Variants in ZFHX3 observed in about 807,000 individuals in gnomAD.
The protein encoded by ZFHX3 is zinc finger homeobox 3.
A neutral mutation model predicts 279.1 loss-of-function variants in ZFHX3; 42 were observed. The observed-to-expected ratio is 0.15, with a 90% CI of 0.12 to 0.19. The LOEUF is 0.19. Ranked by LOEUF, ZFHX3 falls within the 10% of genes least tolerant of loss-of-function variation. ZFHX3 has a pLI of 1.00. For missense variants in ZFHX3, 4,981 were observed against 4,754.0 expected, an observed-to-expected ratio of 1.05 and a Z score of -1.40; for synonymous variants, 2,293 against 1,957.8, an observed-to-expected ratio of 1.17 and a Z score of -4.52.
At chr16:73,001,259 TC>T (rs1392441598) in intron 1 of ZFHX3, among the ~76,000 whole-genome samples, 3 of 152,124 alleles carry the variant, frequency 2.0e-5, no homozygotes, top group African/African-American at 4.8e-5. Flanking sequence ...AGCCAGCAGC[TC>T]TTGGGGAAAT....
chr16:73,751,960 C>T (rs542811172), intron 1 of ZFHX3, among the ~76,000 whole-genome samples: 1 of 152,240 alleles, frequency 6.6e-6, no homozygotes, highest in South Asian at 2.1e-4. Context: ...GGGTTATTCT[C>T]TCGGGGATTT....
chr16:73,069,455 T>G (rs563018727), intron 8 of ZFHX3, among the ~76,000 whole-genome samples: 1 of 152,320 alleles, frequency 6.6e-6, no homozygotes, highest in East Asian at 1.9e-4. Context: ...CCAGCTCACG[T>G]GTCCGTCTAC....
chr16:72,966,075 A>T (rs1961821958), intron 1 of ZFHX3, among the ~76,000 whole-genome samples: 1 of 152,206 alleles, frequency 6.6e-6, no homozygotes, highest in Non-Finnish European at 1.5e-5. Flanking sequence ...TAATGATGCC[A>T]TTATTTTAAG....
intron 1 of ZFHX3, among the ~76,000 whole-genome samples, chr16:73,785,560 C>A (rs760923829): frequency 6.6e-6 from 1 of 152,190 alleles, no homozygotes; most frequent in Non-Finnish European, 1.5e-5. Flanking sequence ...GGTGTTCAAT[C>A]ACCTATTCCC....
At chr16:73,256,438 C>G (rs34934522) in intron 5 of ZFHX3, among the ~76,000 whole-genome samples, 89,858 of 152,038 alleles carry the variant, frequency 0.59, 26,930 homozygotes, top group East Asian at 0.72. Flanking sequence ...TCAATGTTTA[C>G]GATGGCGGTT....
chr16:73,232,672 C>G (rs2012813894), intron 5 of ZFHX3: 1 of 152,130 alleles, frequency 6.6e-6, no homozygotes, highest in Non-Finnish European at 1.5e-5. Context: ...GTTTTGGTAT[C>G]TCCTACGTAA....
At chr16:73,881,686 G>C (rs937116740) in intron 1 of ZFHX3, among the ~76,000 whole-genome samples, 15 of 151,960 alleles carry the variant, frequency 9.9e-5, no homozygotes, top group African/African-American at 3.6e-4. Flanking sequence ...ATATGTGTGT[G>C]TGTGTGTATA....
intron 5 of ZFHX3, among the ~76,000 whole-genome samples, chr16:73,155,678 C>G (rs1054821086): frequency 1.3e-5 from 2 of 152,016 alleles, no homozygotes; most frequent in Non-Finnish European, 2.9e-5. Flanking sequence ...AAAAAATTAG[C>G]TGGGCATGGC....
chr16:73,504,020 G>A (rs975670348), intron 2 of ZFHX3, among the ~76,000 whole-genome samples: 17 of 152,084 alleles, frequency 1.1e-4, no homozygotes, highest in African/African-American at 3.9e-4. Flanking sequence ...GGAGAAATAC[G>A]CTTACTGTTT....
chr16:72,858,582 A>C (rs1354995998), intron 4 of ZFHX3, among the ~76,000 whole-genome samples: 1 of 152,216 alleles, frequency 6.6e-6, no homozygotes, highest in Non-Finnish European at 1.5e-5. Context: ...CCAAGTTATG[A>C]ATGACCTTTC....
chr16:73,565,091 A>G (rs1434461929), intron 2 of ZFHX3, among the ~76,000 whole-genome samples: 2 of 152,264 alleles, frequency 1.3e-5, no homozygotes, highest in African/African-American at 4.8e-5. Context: ...CATCTCTACT[A>G]AAAATACAAA....
chr16:73,471,681 G>C (rs1355223392), intron 2 of ZFHX3, among the ~76,000 whole-genome samples: 1 of 152,172 alleles, frequency 6.6e-6, no homozygotes, highest in Non-Finnish European at 1.5e-5. Context: ...GGACCCTTTA[G>C]GGGTCAGGAT....
chr16:73,170,282 G>C (rs1488198945), intron 5 of ZFHX3, among the ~76,000 whole-genome samples: 2 of 121,928 alleles, frequency 1.6e-5, no homozygotes, highest in Non-Finnish European at 3.2e-5. Flanking sequence ...CCACGTTGGA[G>C]TGCAGTGCCA....
At chr16:73,187,571 C>T (rs1967941702) in intron 5 of ZFHX3, among the ~76,000 whole-genome samples, 1 of 152,200 alleles carries the variant, frequency 6.6e-6, no homozygotes, top group South Asian at 2.1e-4. Flanking sequence ...AGTGAATGTG[C>T]TGCTGGCCTG....
intron 1 of ZFHX3, among the ~76,000 whole-genome samples, chr16:73,034,022 G>A (rs764330435): frequency 4.6e-5 from 7 of 151,972 alleles, no homozygotes; most frequent in Admixed American, 2.0e-4. Flanking sequence ...GAGAAGAGCT[G>A]TAATGGTACC....
intron 1 of ZFHX3, among the ~76,000 whole-genome samples, chr16:73,684,564 CACAA>C (rs2053059112): frequency 6.6e-6 from 1 of 152,128 alleles, no homozygotes; most frequent in Non-Finnish European, 1.5e-5. Flanking sequence ...GCTCAAAACC[CACAA>C]ATATGTTGGG....
At chr16:73,751,484 C>T (rs776738231) in intron 1 of ZFHX3, among the ~76,000 whole-genome samples, 10 of 151,830 alleles carry the variant, frequency 6.6e-5, no homozygotes, top group Middle Eastern at 3.4e-3. Context: ...AGATCACAAA[C>T]GAATGTCTAA....
intron 5 of ZFHX3, chr16:73,232,112 C>T (rs2012793781): frequency 6.6e-6 from 1 of 152,180 alleles, no homozygotes; most frequent in African/African-American, 2.4e-5. Context: ...ACAGGACCCC[C>T]TCCTCACACT....
chr16:73,054,303 G>A (rs930754338), intron 1 of ZFHX3, among the ~76,000 whole-genome samples: 1 of 152,102 alleles, frequency 6.6e-6, no homozygotes, highest in Non-Finnish European at 1.5e-5. Context: ...AAGTGGGCTC[G>A]CAGGGGACAG....
Sources: gnomAD v4.1 joint callset for allele counts (sites outside exome capture counted in the v4.1 genomes callset) on GRCh38, gnomAD v4.1.1 for gene constraint, MANE v1.5 for transcripts, NCBI Gene and HGNC (gene_info 2026-07-23, HGNC 2026-07-21) for gene names.